The following NPAS3 variants were observed in gnomAD, a reference collection of about 807,000 sequenced individuals.
The protein encoded by NPAS3 is neuronal PAS domain protein 3, also known as neuronal PAS domain-containing protein 3.
NPAS3 carries 14 observed loss-of-function variants against 73.1 expected under a neutral mutation model. That is an observed-to-expected ratio of 0.19 (90% CI 0.13 to 0.30). The LOEUF is 0.30. NPAS3 is among the 10% of genes least tolerant of loss of function. NPAS3 has a pLI of 1.00. For missense variants in NPAS3, 1,096 were observed against 1,250.0 expected (o/e 0.88, Z 1.86); for synonymous variants, 620 against 541.5 (o/e 1.14, Z -2.01).
upstream of NPAS3, among the ~76,000 whole-genome samples, chr14:32,936,910 T>G (rs1281477168): frequency 2.7e-5 from 4 of 149,364 alleles, no homozygotes; most frequent in Non-Finnish European, 5.9e-5. Flanking sequence ...TGAATCCCAC[T>G]GCAGTTCTAA....
chr14:33,742,896 A>T (rs1386468143), intron 7 of NPAS3, among the ~76,000 whole-genome samples: 5 of 152,158 alleles, frequency 3.3e-5, no homozygotes, highest in African/African-American at 7.2e-5. Flanking sequence ...TTCTTTGTTC[A>T]TCCATAAGAA....
In NPAS3 at chr14:32,959,497, C is replaced by T. The variant is rs1480546562; in HGVS notation, c.50+20131C>T. 3.9e-5 allele frequency among the ~76,000 whole-genome samples: 6 copies of T among 152,128 alleles called. No homozygotes were observed. In the South Asian group the frequency reaches 6.2e-4, roughly 16 times the overall value. On this transcript the variant is annotated intron_variant, in intron 1 of 11. Coordinates refer to ENST00000356141, the Ensembl canonical transcript of NPAS3. ...CTTCAGAAAACTATGTTTACATTTA[C>T]GTGAGTAAATATTTCATATACTTTG...
At chr14:33,539,592 GAA>G (rs1350561600) in intron 4 of NPAS3, among the ~76,000 whole-genome samples, 1 of 152,076 alleles carries the variant, frequency 6.6e-6, no homozygotes, top group Non-Finnish European at 1.5e-5. Context: ...ACTAGAAAAA[GAA>G]AAGACTCTCC....
intron 3 of NPAS3, among the ~76,000 whole-genome samples, chr14:33,340,071 A>G (rs559768437): frequency 5.2e-4 from 79 of 152,166 alleles, no homozygotes; most frequent in Non-Finnish European, 1.1e-3. Context: ...GGTGATACCT[A>G]TGGTTTCCAT....
At chr14:33,353,419 A>G (rs1439560732) in intron 3 of NPAS3, among the ~76,000 whole-genome samples, 1 of 152,226 alleles carries the variant, frequency 6.6e-6, no homozygotes, top group Non-Finnish European at 1.5e-5. Flanking sequence ...CTCCAAAAGC[A>G]ATTCCAAGTA....
At chr14:33,753,075 G>C (rs1566501119) in intron 7 of NPAS3, among the ~76,000 whole-genome samples, 1 of 152,054 alleles carries the variant, frequency 6.6e-6, no homozygotes, top group Non-Finnish European at 1.5e-5. Flanking sequence ...TCTTCTTAAA[G>C]AACAGTTCAT....
intron 4 of NPAS3, among the ~76,000 whole-genome samples, chr14:33,381,509 C>A (rs17100909): frequency 0.01 from 1,535 of 152,200 alleles, 21 homozygotes; most frequent in African/African-American, 0.034. Context: ...TTTAACCTGG[C>A]TTTACCTGGA....
In NPAS3 at chr14:33,787,933, A is replaced by C. The variant is rs567423121; in HGVS notation, c.1154-5964A>C. ...CCCAGTTTTCAAAAGCCAAAGAAAAAGTAATCCAGAATTAAAAAGAAAAAA... is the reference window on the plus strand; with the variant it reads ...CCCAGTTTTCAAAAGCCAAAGAAAACGTAATCCAGAATTAAAAAGAAAAAA... On this transcript the variant is annotated intron_variant, in intron 9 of 11. Coordinates refer to ENST00000356141, the Ensembl canonical transcript of NPAS3. Among the ~76,000 whole-genome samples the C allele has an allele frequency of 1.3e-4, 20 of 152,326 alleles. No individual in the cohort carries two copies. In the South Asian group the frequency reaches 2.9e-3, roughly 22 times the overall value.
chr14:33,077,694 G>T (rs189275595), intron 2 of NPAS3, among the ~76,000 whole-genome samples: 1 of 143,936 alleles, frequency 6.9e-6, no homozygotes, highest in African/African-American at 2.5e-5. Context: ...TTCAAGACTT[G>T]ATTTAATTAC....
chr14:33,693,874 G>A (rs1407575806), intron 6 of NPAS3, among the ~76,000 whole-genome samples: 4 of 152,106 alleles, frequency 2.6e-5, no homozygotes, highest in African/African-American at 9.7e-5. Flanking sequence ...CAACCTGCTT[G>A]TGTTTTGTTC....
chr14:33,452,813 G>A (rs2049862638), intron 4 of NPAS3, among the ~76,000 whole-genome samples: 1 of 130,994 alleles, frequency 7.6e-6, no homozygotes, highest in African/African-American at 2.9e-5. Context: ...AAGTCATAAT[G>A]TACAGCCTGA....
At chr14:33,226,269 G>T (rs564284469) in intron 3 of NPAS3, among the ~76,000 whole-genome samples, 2 of 152,114 alleles carry the variant, frequency 1.3e-5, no homozygotes, top group African/African-American at 4.8e-5. Context: ...ACTATTGTTT[G>T]GTCATTTTGA....
chr14:33,673,683 C>T (rs2059674821), intron 5 of NPAS3, among the ~76,000 whole-genome samples: 1 of 152,230 alleles, frequency 6.6e-6, no homozygotes, highest in Non-Finnish European at 1.5e-5. Flanking sequence ...CTCCGGGCCA[C>T]AGCCTGGCAC....
intron 2 of NPAS3, among the ~76,000 whole-genome samples, chr14:33,073,028 A>T (rs1595380949): frequency 6.6e-6 from 1 of 152,320 alleles, no homozygotes; most frequent in East Asian, 1.9e-4. Context: ...TTAGGCAAGC[A>T]TTATTTAAAT....
chr14:33,402,739 C>G (rs1455080063), intron 4 of NPAS3, among the ~76,000 whole-genome samples: 1 of 152,144 alleles, frequency 6.6e-6, no homozygotes, highest in African/African-American at 2.4e-5. Context: ...GTATGCTTTC[C>G]CTCAATGGGA....
At chr14:33,105,028 T>C (rs753575103) in intron 2 of NPAS3, among the ~76,000 whole-genome samples, 1 of 152,154 alleles carries the variant, frequency 6.6e-6, no homozygotes, top group Non-Finnish European at 1.5e-5. Context: ...AGGAGAGGGT[T>C]CATGATGTGG....
intron 4 of NPAS3, among the ~76,000 whole-genome samples, chr14:33,558,883 AC>A (rs2055496403): frequency 6.6e-6 from 1 of 151,188 alleles, no homozygotes; most frequent in Non-Finnish European, 1.5e-5. Context: ...ACATTTAAAA[AC>A]TTTTTTTCCT....
intron 5 of NPAS3, among the ~76,000 whole-genome samples, chr14:33,660,010 G>T (rs756513474): frequency 1.4e-4 from 21 of 152,118 alleles, no homozygotes; most frequent in Non-Finnish European, 2.5e-4. Context: ...CTCACAAAGG[G>T]TTGGTTGTTC....
At chr14:33,379,188 A>C (rs890984197) in intron 4 of NPAS3, among the ~76,000 whole-genome samples, 5 of 151,486 alleles carry the variant, frequency 3.3e-5, no homozygotes, top group Non-Finnish European at 5.9e-5. Flanking sequence ...GTATATGCAA[A>C]TACTCCTCTC....
Sources: allele counts gnomAD v4.1 joint callset (sites outside exome capture counted in the v4.1 genomes callset), GRCh38; gene constraint gnomAD v4.1.1; transcripts MANE v1.5; gene names NCBI Gene and HGNC (gene_info 2026-07-23, HGNC 2026-07-21).